CDH23: variants seen among roughly 807,000 people sequenced by gnomAD.
The protein encoded by CDH23 is cadherin-23.
In CDH23, 189 loss-of-function variants were observed where a neutral mutation model predicts 317.1. The observed-to-expected ratio is 0.60, with a 90% CI of 0.53 to 0.67. The LOEUF is 0.67. Among genes scored for constraint, CDH23 ranks in the 30% least tolerant of loss-of-function variants. The pLI is 0.00. For synonymous variants in CDH23, 1,839 were observed against 1,876.8 expected, an observed-to-expected ratio of 0.98 and a Z score of 0.52; for missense variants, 4,401 against 4,592.4, an observed-to-expected ratio of 0.96 and a Z score of 1.20.
intron 68 of CDH23, 77 bp from the exon 69 acceptor site, chr10:71,813,167 A>T (rs1842000486): frequency 1.0e-5 from 14 of 1,347,870 alleles, no homozygotes; most frequent in Admixed American, 2.0e-5. Context: ...TGTACCCCTT[A>T]CTCCCAGAGG....
chr10:71,506,283 G>T (rs115082316), intron 3 of CDH23, among the ~76,000 whole-genome samples: 2,502 of 152,232 alleles, frequency 0.016, 57 homozygotes, highest in African/African-American at 0.053. Flanking sequence ...CCTTTGGAAA[G>T]GATGAAAATC....
intron 3 of CDH23, among the ~76,000 whole-genome samples, chr10:71,464,043 T>G (rs12768631): frequency 0.35 from 52,951 of 152,136 alleles, 11,485 homozygotes; most frequent in East Asian, 0.48. Context: ...ATTCCCATTT[T>G]ATAGATAGGA....
At chr10:71,703,781 G>A (rs542405908) in intron 24 of CDH23, among the ~76,000 whole-genome samples, 11 of 152,324 alleles carry the variant, frequency 7.2e-5, no homozygotes, top group Admixed American at 1.3e-4. Flanking sequence ...TCCAGGGAAC[G>A]GCAGTCGGTC....
In CDH23 at chr10:71,812,623, G is replaced by A. The variant is rs188563959; in HGVS notation, c.9510+14G>A. 464 of 1,613,524 alleles carry A rather than the reference G, an allele frequency of 2.9e-4. No homozygotes were observed. The highest frequency in any genetic ancestry group is 3.6e-4 in the Non-Finnish European group (429 of 1,179,876). ...ACGCGCACCCATGTGAGCCAGAGGC[G>A]GTCAGGCATCACAAGGGGCAGGGGT... is the stretch of plus-strand genomic sequence containing the variant. On this transcript the variant is annotated intron_variant, in intron 67 of 69. Coordinates refer to ENST00000224721, the MANE Select transcript of CDH23 (RefSeq NM_022124.6).
intron 48 of CDH23, among the ~76,000 whole-genome samples, chr10:71,796,386 G>A (rs1477600290): frequency 6.6e-6 from 1 of 152,180 alleles, no homozygotes; most frequent in Non-Finnish European, 1.5e-5. Context: ...TAGAACAGAA[G>A]GAAACCCCTT....
intron 69 of CDH23, among the ~76,000 whole-genome samples, chr10:71,813,916 A>G (rs1326847467): frequency 6.6e-6 from 1 of 152,160 alleles, no homozygotes; most frequent in African/African-American, 2.4e-5. Flanking sequence ...AAAAAAAAGG[A>G]AAGAAAAGAA....
chr10:71,485,340 T>C (rs1402266063), intron 3 of CDH23, among the ~76,000 whole-genome samples: 3 of 152,214 alleles, frequency 2.0e-5, no homozygotes, highest in Non-Finnish European at 2.9e-5. Context: ...TGTGTTTTTC[T>C]TATAAAAAGT....
At chr10:71,480,055 ATCCACCGT>A (rs386745220) in intron 3 of CDH23, among the ~76,000 whole-genome samples, 1 of 151,982 alleles carries the variant, frequency 6.6e-6, no homozygotes. Context: ...TGCCTCTAGA[ATCCACCGT>A]GGCACAGGGA....
chr10:71,511,325 A>T, intron 6 of CDH23, 113 bp downstream of exon 6: 2 of 996,490 alleles, frequency 2.0e-6, no homozygotes, highest in Non-Finnish European at 3.2e-6. Context: ...TTCTGCCCAG[A>T]CCTCAGCCCA....
intron 14 of CDH23, among the ~76,000 whole-genome samples, chr10:71,662,350 G>A (rs575539890): frequency 4.6e-5 from 7 of 152,226 alleles, no homozygotes; most frequent in African/African-American, 1.7e-4. Context: ...GTGAGGACAT[G>A]TCCCTGGAGC....
At chr10:71,520,308 TGAAA>T (rs1854596797) in intron 6 of CDH23, among the ~76,000 whole-genome samples, 1 of 151,950 alleles carries the variant, frequency 6.6e-6, no homozygotes, top group Non-Finnish European at 1.5e-5. Flanking sequence ...GGGAAAAAAA[TGAAA>T]GAGTCATCAA....
In CDH23 at chr10:71,659,931, G is replaced by GTTTCT. The variant is rs980694257; in HGVS notation, c.1449+13332_1449+13336dup. On this transcript the variant is annotated intron_variant, in intron 14 of 69. Transcript: ENST00000224721. ...CACCCAGGTTTACCCTGACTCAGCT[G>GTTTCT]TTTCTTTTCTTTTCTTTTCTTTCTT... Among the ~76,000 whole-genome samples, 30 of 136,174 alleles carry GTTTCT rather than the reference G, an allele frequency of 2.2e-4. 1 individual carries two copies. Among genetic ancestry groups the GTTTCT allele is most frequent in the East Asian group, 1.3e-3 (6 of 4,720 alleles). The allele number at this position is 136,174 out of a possible 152,430, so 89.3% of individuals were successfully genotyped here. A position where few individuals can be genotyped will look rare whatever the true frequency, so the allele number is the denominator to read the frequency against.
chr10:71,755,143 C>T (rs2132871974), intron 38 of CDH23: 2 of 659,702 alleles, frequency 3.0e-6, no homozygotes, highest in South Asian at 3.1e-5. Flanking sequence ...GCCTGGGAGC[C>T]AAAGGGGCTG....
At chr10:71,706,040 G>A (rs545906374) in intron 25 of CDH23, among the ~76,000 whole-genome samples, 1 of 152,150 alleles carries the variant, frequency 6.6e-6, no homozygotes, top group Non-Finnish European at 1.5e-5. Flanking sequence ...CTTATTGGCC[G>A]ATGATGGACA....
chr10:71,683,939 G>A lies in CDH23; in HGVS notation c.1986+1367G>A, dbSNP rs967551764. On this transcript the variant is annotated intron_variant, in intron 18 of 69. Coordinates refer to ENST00000224721, the MANE Select transcript of CDH23 (RefSeq NM_022124.6). ...CTACTAAAAATACAAAAATTAGCCA[G>A]GCATCGTGGCAGGTGCCTGTAATCC... Among the ~76,000 whole-genome samples, 75 of 152,134 alleles carry A rather than the reference G, an allele frequency of 4.9e-4. No homozygotes were observed. The Middle Eastern group carries it at 0.01, about 21-fold the overall frequency.
At chr10:71,661,944 C>T (rs1055822797) in intron 14 of CDH23, among the ~76,000 whole-genome samples, 5 of 148,660 alleles carry the variant, frequency 3.4e-5, no homozygotes, top group African/African-American at 5.0e-5. Context: ...ACACCCTGCG[C>T]GCACACACAC....
At position 71,577,928 on chromosome 10, in the gene CDH23, C is replaced by T. The variant is rs1171765196; in HGVS notation, c.768C>T (p.Arg256=). 17 of 1,600,814 alleles carry T rather than the reference C, an allele frequency of 1.1e-5. No homozygotes were observed. Among genetic ancestry groups the T allele is most frequent in the Non-Finnish European group, 1.4e-5 (16 of 1,173,510 alleles). ...YEHSPPGTTV[R]IITAIDQDKG... ...CTTCTGCCCAGGGCACGACGGTGCGCATCATCACCGCCATAGACCAGGATA... is the reference window on the plus strand; with the variant it reads ...CTTCTGCCCAGGGCACGACGGTGCGTATCATCACCGCCATAGACCAGGATA... Residue 256 remains arginine, a synonymous_variant, in exon 9 of 70, where the codon CGC becomes CGT. Transcript: ENST00000224721.
In CDH23 at chr10:71,533,569, A is replaced by ACACACACACACC. The variant is rs1491567904; in HGVS notation, c.429+22358_429+22359insACACACACACCC. Among the ~76,000 whole-genome samples the ACACACACACACC allele has an allele frequency of 3.7e-5, 4 of 109,500 alleles. No individual in the cohort carries two copies. In the East Asian group the frequency reaches 6.0e-4, roughly 16 times the overall value. The allele number at this position is 109,500 out of a possible 152,430, so 71.8% of individuals were successfully genotyped here. A position where few individuals can be genotyped will look rare whatever the true frequency, so the allele number is the denominator to read the frequency against. On this transcript the variant is annotated intron_variant, in intron 6 of 69. Transcript: ENST00000224721. The stretch of plus-strand genomic sequence containing the variant: ...CACACACACACACACACACACACAC[A>ACACACACACACC]CTGGCTGGGGCTGCAGAGGCCAGAA...
intron 19 of CDH23, among the ~76,000 whole-genome samples, chr10:71,689,062 C>T (rs373716747): frequency 0.012 from 352 of 29,726 alleles, 6 homozygotes; most frequent in Middle Eastern, 0.023. Context: ...GATGGTGGAG[C>T]CAGGGGTGGT....
Sources: gnomAD v4.1 joint callset for allele counts (sites outside exome capture counted in the v4.1 genomes callset) on GRCh38, gnomAD v4.1.1 for gene constraint, MANE v1.5 for transcripts, NCBI Gene and HGNC (gene_info 2026-07-23, HGNC 2026-07-21) for gene names.